AQP7B: variants seen among roughly 807,000 people sequenced by gnomAD.
AQP7B encodes the protein aquaporin 7B, also known as putative aquaporin-7B.
At chr2:94,602,178 C>A in the AQP7B span, among the ~76,000 whole-genome samples, 1 of 151,932 alleles carries the variant, frequency 6.6e-6, no homozygotes, top group African/African-American at 2.4e-5. Context: ...GCCATCCCCT[C>A]CTTGCAGCCC....
At chr2:94,588,978 T>C in the AQP7B span, among the ~76,000 whole-genome samples, 1 of 150,504 alleles carries the variant, frequency 6.6e-6, no homozygotes, top group Non-Finnish European at 1.5e-5. Flanking sequence ...TTTCTGTTTT[T>C]TTTTCTTTTT....
chr2:94,595,076 T>A, the AQP7B span, among the ~76,000 whole-genome samples: 1 of 152,072 alleles, frequency 6.6e-6, no homozygotes, highest in Non-Finnish European at 1.5e-5. Flanking sequence ...GGGGGTCAAA[T>A]GAAACCATGC....
the AQP7B span, among the ~76,000 whole-genome samples, chr2:94,598,322 G>T: frequency 6.6e-6 from 1 of 152,214 alleles, no homozygotes; most frequent in African/African-American, 2.4e-5. Context: ...GACGAGGGAA[G>T]TGGATTGATC....
chr2:94,601,017 G>T, the AQP7B span, among the ~76,000 whole-genome samples: 1 of 152,222 alleles, frequency 6.6e-6, no homozygotes. Context: ...CTGCACTCCA[G>T]CCTGGGTGAT....
the AQP7B span, chr2:94,604,028 T>C: frequency 1.3e-6 from 1 of 796,884 alleles, no homozygotes; most frequent in Non-Finnish European, 2.0e-6. Context: ...AGGAGGGTCC[T>C]GCAGAGCCCC....
chr2:94,589,968 C>T, the AQP7B span, among the ~76,000 whole-genome samples: 7 of 152,140 alleles, frequency 4.6e-5, no homozygotes, highest in Non-Finnish European at 1.5e-5. Context: ...CACCCTACTC[C>T]CCCATGGCCA....
At chr2:94,593,284 C>A in the AQP7B span, among the ~76,000 whole-genome samples, 1 of 150,976 alleles carries the variant, frequency 6.6e-6, no homozygotes. Flanking sequence ...GGTAAAGGAG[C>A]CTCTGGGGAG....
the AQP7B span, chr2:94,604,263 G>A: frequency 3.2e-6 from 5 of 1,575,206 alleles, no homozygotes; most frequent in Non-Finnish European, 3.4e-6. Context: ...AGCCCCCTCA[G>A]CAGGCCTCTG....
At chr2:94,598,145 G>T in the AQP7B span, among the ~76,000 whole-genome samples, 1 of 152,222 alleles carries the variant, frequency 6.6e-6, no homozygotes, top group African/African-American at 2.4e-5. Flanking sequence ...TTTGTGAGGT[G>T]TAAGCCTATA....
chr2:94,602,825 G>C, the AQP7B span, among the ~76,000 whole-genome samples: 6 of 152,152 alleles, frequency 3.9e-5, no homozygotes, highest in African/African-American at 1.2e-4. Context: ...TCACTGGCTG[G>C]GTCATCTTAG....
At chr2:94,599,250 G>A in the AQP7B span, among the ~76,000 whole-genome samples, 68 of 151,886 alleles carry the variant, frequency 4.5e-4, no homozygotes, top group African/African-American at 1.2e-3. Flanking sequence ...CACTCCCCCC[G>A]GCACCCCCAT....
the AQP7B span, among the ~76,000 whole-genome samples, chr2:94,601,425 C>T: frequency 6.6e-6 from 1 of 152,158 alleles, no homozygotes; most frequent in Non-Finnish European, 1.5e-5. Flanking sequence ...CATCTGGCTC[C>T]CCCACAGAGG....
At chr2:94,594,156 A>G in the AQP7B span, among the ~76,000 whole-genome samples, 1 of 152,080 alleles carries the variant, frequency 6.6e-6, no homozygotes, top group African/African-American at 2.4e-5. Context: ...CTCTGTTTGC[A>G]CTGACCTGGT....
chr2:94,592,812 CTTTTTTTTTT>C, the AQP7B span, among the ~76,000 whole-genome samples: 18 of 51,758 alleles, frequency 3.5e-4, no homozygotes, highest in South Asian at 0.017. Flanking sequence ...ATTAATTAAG[CTTTTTTTTTT>C]TTTTTTTTTT....
the AQP7B span, among the ~76,000 whole-genome samples, chr2:94,591,538 G>A: frequency 3.9e-5 from 6 of 152,048 alleles, no homozygotes; most frequent in African/African-American, 9.7e-5. Context: ...CCTGGCCTCC[G>A]CAGGGGAGGC....
the AQP7B span, among the ~76,000 whole-genome samples, chr2:94,591,155 A>G: frequency 1.3e-5 from 2 of 151,656 alleles, no homozygotes; most frequent in African/African-American, 2.4e-5. Context: ...TCAGATGACA[A>G]TCTGTGATTT....
the AQP7B span, among the ~76,000 whole-genome samples, chr2:94,596,951 C>T: frequency 2.6e-5 from 4 of 152,180 alleles, no homozygotes; most frequent in African/African-American, 9.7e-5. Context: ...CTTCCTGCCT[C>T]GGCCTCCCAA....
the AQP7B span, among the ~76,000 whole-genome samples, chr2:94,595,574 A>T: frequency 1.3e-3 from 203 of 152,074 alleles, no homozygotes; most frequent in Non-Finnish European, 2.3e-3. Flanking sequence ...TTTGGATTTT[A>T]AAGGTAATTT....
chr2:94,590,691 C>T, the AQP7B span, among the ~76,000 whole-genome samples: 2 of 151,904 alleles, frequency 1.3e-5, no homozygotes, highest in Admixed American at 1.3e-4. Context: ...GCCTGAAATC[C>T]CTGCACCTTG....
Sources: allele counts gnomAD v4.1 joint callset (sites outside exome capture counted in the v4.1 genomes callset), GRCh38; gene constraint gnomAD v4.1.1; transcripts MANE v1.5; gene names NCBI Gene and HGNC (gene_info 2026-07-23, HGNC 2026-07-21).